The following SHISA9 variants were observed in gnomAD, a reference collection of about 807,000 sequenced individuals.
The protein encoded by SHISA9 is protein shisa-9.
SHISA9 carries 13 observed loss-of-function variants against 38.0 expected under a neutral mutation model. The observed-to-expected ratio is 0.34, with a 90% CI of 0.22 to 0.54. The LOEUF (loss-of-function observed/expected upper bound fraction) is 0.54, where lower values mean the gene tolerates loss of function less well. SHISA9 is among the 20% of genes least tolerant of loss of function. SHISA9 has a pLI of 0.91. For missense variants in SHISA9, 538 were observed against 575.8 expected (o/e 0.93, Z 0.67); for synonymous variants, 275 against 242.0 (o/e 1.14, Z -1.27).
intron 2 of SHISA9, among the ~76,000 whole-genome samples, chr16:13,159,035 G>C (rs988610583): frequency 1.3e-5 from 2 of 149,660 alleles, no homozygotes; most frequent in African/African-American, 4.9e-5. Flanking sequence ...ACTCCAGCCT[G>C]GTGACAGAGC....
At chr16:13,378,515 C>G in the SHISA9 span, among the ~76,000 whole-genome samples, 1 of 152,200 alleles carries the variant, frequency 6.6e-6, no homozygotes, top group Non-Finnish European at 1.5e-5. Context: ...ATGCCGTGGT[C>G]TACTTGACCA....
chr16:13,499,463 C>T, the SHISA9 span, among the ~76,000 whole-genome samples: 3 of 151,982 alleles, frequency 2.0e-5, no homozygotes, highest in African/African-American at 4.8e-5. Context: ...TAAATAAATA[C>T]CTCTACAAAT....
intron 2 of SHISA9, among the ~76,000 whole-genome samples, chr16:13,167,792 G>A (rs2050650994): frequency 6.6e-6 from 1 of 152,112 alleles, no homozygotes; most frequent in African/African-American, 2.4e-5. Flanking sequence ...ACAGCCTGTG[G>A]AACTGTGAAC....
the SHISA9 span, among the ~76,000 whole-genome samples, chr16:13,267,620 A>C: frequency 1.3e-5 from 2 of 152,210 alleles, no homozygotes; most frequent in African/African-American, 4.8e-5. Context: ...GTTGAAAAGG[A>C]GGATGTAATC....
intron 2 of SHISA9, among the ~76,000 whole-genome samples, chr16:13,188,392 T>C (rs1440716549): frequency 1.3e-5 from 2 of 152,062 alleles, no homozygotes; most frequent in Non-Finnish European, 2.9e-5. Flanking sequence ...AATGGAATGA[T>C]GAAGGAGATG....
chr16:13,326,842 C>T, the SHISA9 span, among the ~76,000 whole-genome samples: 1 of 151,832 alleles, frequency 6.6e-6, no homozygotes, highest in Non-Finnish European at 1.5e-5. Context: ...AGATACCCAG[C>T]ACATAATACA....
chr16:13,473,448 A>G, the SHISA9 span, among the ~76,000 whole-genome samples: 3 of 143,018 alleles, frequency 2.1e-5, no homozygotes, highest in Non-Finnish European at 4.5e-5. Context: ...ACTGTGACTG[A>G]TTTTAATTCT....
chr16:13,555,314 C>T, the SHISA9 span, among the ~76,000 whole-genome samples: 2 of 151,964 alleles, frequency 1.3e-5, no homozygotes, highest in African/African-American at 4.8e-5. Context: ...GGCTTATAAA[C>T]GTTAATCCTG....
chr16:13,458,586 C>A, the SHISA9 span: 2 of 401,324 alleles, frequency 5.0e-6, no homozygotes, highest in South Asian at 2.0e-5. Flanking sequence ...AAGAGATACC[C>A]AGACTTAGAA....
intron 2 of SHISA9, among the ~76,000 whole-genome samples, chr16:13,186,779 T>G (rs574142666): frequency 6.6e-6 from 1 of 152,342 alleles, no homozygotes; most frequent in South Asian, 2.1e-4. Flanking sequence ...TCTATGAATT[T>G]GACTACTCCA....
the SHISA9 span, among the ~76,000 whole-genome samples, chr16:13,349,143 G>C: frequency 2.0e-5 from 3 of 152,116 alleles, no homozygotes; most frequent in African/African-American, 7.2e-5. Context: ...TCCCATCTAG[G>C]ATCTTTATAT....
intron 2 of SHISA9, among the ~76,000 whole-genome samples, chr16:13,195,739 A>T (rs2050931963): frequency 6.6e-6 from 1 of 152,156 alleles, no homozygotes; most frequent in Non-Finnish European, 1.5e-5. Context: ...TACCTCAGTG[A>T]TTCCCCTCAC....
At chr16:13,228,163 C>T (rs1467000599) in intron 4 of SHISA9, among the ~76,000 whole-genome samples, 3 of 152,210 alleles carry the variant, frequency 2.0e-5, no homozygotes, top group Admixed American at 1.3e-4. Context: ...AAACTCAGAT[C>T]TGTCTCATTC....
the SHISA9 span, among the ~76,000 whole-genome samples, chr16:13,326,844 C>G: frequency 2.0e-4 from 30 of 151,692 alleles, no homozygotes; most frequent in Admixed American, 6.6e-4. Context: ...ATACCCAGCA[C>G]ATAATACATG....
chr16:13,481,416 C>T, the SHISA9 span, among the ~76,000 whole-genome samples: 1 of 152,192 alleles, frequency 6.6e-6, no homozygotes, highest in Admixed American at 6.5e-5. Context: ...GTACTCCTTC[C>T]ATCTGACTGT....
chr16:13,362,435 A>C, the SHISA9 span, among the ~76,000 whole-genome samples: 1 of 152,090 alleles, frequency 6.6e-6, no homozygotes, highest in Non-Finnish European at 1.5e-5. Flanking sequence ...CTCAGACCAA[A>C]AAAACAAAAC....
At chr16:13,422,755 C>G in the SHISA9 span, among the ~76,000 whole-genome samples, 2 of 152,100 alleles carry the variant, frequency 1.3e-5, no homozygotes, top group African/African-American at 4.8e-5. Context: ...CCAACAACAA[C>G]AAACAATTGG....
the SHISA9 span, among the ~76,000 whole-genome samples, chr16:13,368,012 CGT>C: frequency 4.1e-4 from 63 of 152,246 alleles, no homozygotes; most frequent in African/African-American, 1.4e-3. Flanking sequence ...CCCACTAACT[CGT>C]CATCTAGCAT....
chr16:13,469,024 T>C, the SHISA9 span, among the ~76,000 whole-genome samples: 1 of 151,246 alleles, frequency 6.6e-6, no homozygotes, highest in Admixed American at 6.6e-5. Flanking sequence ...AGGTGGATCA[T>C]TTGAGGTCAG....
Sources: allele counts gnomAD v4.1 joint callset (sites outside exome capture counted in the v4.1 genomes callset), GRCh38; gene constraint gnomAD v4.1.1; transcripts MANE v1.5; gene names NCBI Gene and HGNC (gene_info 2026-07-23, HGNC 2026-07-21).